Variants in SESTD1 observed in about 807,000 individuals in gnomAD.
SESTD1 encodes the protein SEC14 domain and spectrin repeat-containing protein 1.
A neutral mutation model predicts 101.7 loss-of-function variants in SESTD1; 43 were observed. The observed-to-expected ratio is 0.42, with a 90% confidence interval of 0.33 to 0.55. The LOEUF (loss-of-function observed/expected upper bound fraction) is 0.55. Ranked by LOEUF, SESTD1 falls within the 20% of genes least tolerant of loss-of-function variation. The pLI, the probability that SESTD1 is intolerant of heterozygous loss-of-function variation, is 0.07. For synonymous variants in SESTD1, 283 were observed against 286.8 expected (o/e 0.99, Z 0.13); for missense variants, 647 against 815.1 (o/e 0.79, Z 2.51).
At chr2:179,186,221 C>CT (rs1222993840) in intron 2 of SESTD1, among the ~76,000 whole-genome samples, 2 of 151,844 alleles carry the variant, frequency 1.3e-5, no homozygotes, top group African/African-American at 4.8e-5. Flanking sequence ...CCAAATAACT[C>CT]TGAGTTGGCA....
At chr2:179,251,376 C>T (rs2047315224) in intron 1 of SESTD1, among the ~76,000 whole-genome samples, 2 of 152,156 alleles carry the variant, frequency 1.3e-5, no homozygotes, top group Admixed American at 6.5e-5. Context: ...TATTTGAATG[C>T]TGTGTTCTAA....
intron 1 of SESTD1, among the ~76,000 whole-genome samples, chr2:179,201,183 C>T (rs1319672625): frequency 3.0e-5 from 4 of 134,494 alleles, no homozygotes; most frequent in East Asian, 4.0e-4. Context: ...TGCTCTCCAT[C>T]GCTGGCCATC....
chr2:179,165,188 G>A (rs1339598252), intron 5 of SESTD1, among the ~76,000 whole-genome samples: 5 of 152,062 alleles, frequency 3.3e-5, no homozygotes, highest in South Asian at 2.1e-4. Context: ...AGTGCCTAGC[G>A]CTTTCTTGAG....
chr2:179,181,648 G>GTTAT (rs2046113150), intron 3 of SESTD1, among the ~76,000 whole-genome samples: 1 of 151,996 alleles, frequency 6.6e-6, no homozygotes, highest in Admixed American at 6.6e-5. Context: ...TGAGATCTTG[G>GTTAT]GCAAGTAACC....
chr2:179,113,073 A>T (rs990937926), intron 16 of SESTD1, among the ~76,000 whole-genome samples: 1 of 152,254 alleles, frequency 6.6e-6, no homozygotes, highest in African/African-American at 2.4e-5. Flanking sequence ...AAATTCAAAC[A>T]AACAAAATGA....
chr2:179,123,939 G>T (rs1286775978), intron 11 of SESTD1, 110 bp from the exon 12 acceptor site: 2 of 749,168 alleles, frequency 2.7e-6, no homozygotes, highest in African/African-American at 3.5e-5. Context: ...CACTTGAAAA[G>T]ACTACACTGT....
rs756144168 is a variant in SESTD1 at position 179,149,327 on chromosome 2, C to A, written c.551G>T (p.Ser184Ile). The A allele has an allele frequency of 6.2e-7, 1 of 1,611,316 alleles. No homozygotes were observed. Among genetic ancestry groups the A allele is most frequent in the Admixed American group, 1.7e-5 (1 of 59,244 alleles). Residue 184 changes from serine (S) to isoleucine (I), a missense_variant, in exon 7 of 18, where the codon AGT becomes ATT. Ser to Ile is a moderately radical substitution (Grantham distance 142). Coordinates refer to ENST00000428443, the MANE Select transcript of SESTD1 (RefSeq NM_178123.5). ...LDELALINNG[S>I]DKGNQQEKER... ...TTTCTCTTGCTGATTTCCTTTATCA[C>A]TTCCATTGTTAATCAAAGCAAGTTC...
chr2:179,235,689 G>A (rs532356803), intron 1 of SESTD1, among the ~76,000 whole-genome samples: 1 of 152,124 alleles, frequency 6.6e-6, no homozygotes, highest in Admixed American at 6.5e-5. Context: ...CCACTCACCC[G>A]CCTTTACGCA....
intron 5 of SESTD1, among the ~76,000 whole-genome samples, chr2:179,165,918 A>T (rs571546972): frequency 6.6e-6 from 1 of 152,346 alleles, no homozygotes; most frequent in African/African-American, 2.4e-5. Context: ...GACCAAAAAA[A>T]ATGCAAGTTA....
chr2:179,117,597 C>T lies in SESTD1; in HGVS notation c.1459G>A (p.Asp487Asn). The T allele has an allele frequency of 1.9e-6, 3 of 1,576,454 alleles. No homozygotes were observed. The highest frequency in any genetic ancestry group is 2.6e-6 in the Non-Finnish European group (3 of 1,167,950). ...TGAAGCATCTTTAACCTTCGCACAT[C>T]TACCATGTCTTCACATCTAATGAAC... ...LRKQRCEDMVDVRRLKMLQMV... is the reference protein window; with the variant it reads ...LRKQRCEDMVNVRRLKMLQMV... The change falls in exon 14 of 18, where the codon GAT (aspartate) becomes AAT (asparagine). Residue 487 changes from aspartate to asparagine, a missense_variant. Asp to Asn is a conservative substitution (Grantham distance 23). This residue lies in a region of SESTD1 where 476 missense variants were observed against 562.6 expected (regional missense o/e 0.85). Transcript: ENST00000428443.
At chr2:179,188,643 C>CA (rs1442345343) in intron 2 of SESTD1, among the ~76,000 whole-genome samples, 1 of 150,924 alleles carries the variant, frequency 6.6e-6, no homozygotes, top group Non-Finnish European at 1.5e-5. Flanking sequence ...GATCCTGTCT[C>CA]AAAAAAAGGG....
At position 179,105,193 on chromosome 2, in the gene SESTD1, T is replaced by TC. The variant is rs2044354845; in HGVS notation, c.*4705_*4706insG. On this transcript the variant is annotated 3_prime_UTR_variant, in exon 18 of 18. Transcript: ENST00000428443. ...CTTTGTTCTGTTTTTTTTTTTTTTT[T>TC]AACCTCATTATTGGGATACTTAAAT... 6.9e-6 allele frequency: 1 copy of TC among 144,762 alleles called. No homozygotes were observed. The allele number at this position is 144,762 out of a possible 1,614,324, so 9.0% of individuals were successfully genotyped here.
At chr2:179,173,368 A>G (rs780080433) in intron 4 of SESTD1, among the ~76,000 whole-genome samples, 1 of 152,212 alleles carries the variant, frequency 6.6e-6, no homozygotes, top group African/African-American at 2.4e-5. Flanking sequence ...CTCTTCAAGT[A>G]GAATATAAAA....
chr2:179,251,985 C>A (rs566409651), intron 1 of SESTD1, among the ~76,000 whole-genome samples: 2 of 152,314 alleles, frequency 1.3e-5, no homozygotes, highest in South Asian at 2.1e-4. Flanking sequence ...TTATAAAATT[C>A]TCTGTCCTAT....
At position 179,149,376 on chromosome 2, in the gene SESTD1, T is replaced by G. The variant is rs1245352796; in HGVS notation, c.502A>C (p.Lys168Gln). The change falls in exon 7 of 18, where the codon AAG (lysine) becomes CAG (glutamine). Residue 168 changes from lysine (K) to glutamine (Q), a missense_variant. Transcript: ENST00000428443. ...TCATCTAATAATGATGTAGATTCCT[T>G]TGTAAACTTCTCAAAAACCTACAAT... ...NKRLVFEKFT[K>Q]ESTSLLDELA... 6.2e-7 allele frequency: 1 copy of G among 1,601,760 alleles called. No individual in the cohort carries two copies. The highest frequency in any genetic ancestry group is 2.2e-5 in the East Asian group (1 of 44,446).
chr2:179,132,199 G>A, intron 10 of SESTD1, 105 bp downstream of exon 10: 2 of 1,317,456 alleles, frequency 1.5e-6, no homozygotes, highest in Non-Finnish European at 2.0e-6. Context: ...TGTACTTCAT[G>A]CCCCATACCA....
chr2:179,161,355 A>T (rs1254514223), intron 5 of SESTD1, among the ~76,000 whole-genome samples: 1 of 152,234 alleles, frequency 6.6e-6, no homozygotes, highest in Non-Finnish European at 1.5e-5. Context: ...CAAATCATTT[A>T]TAAAGTTACC....
chr2:179,211,693 T>A (rs2046653220), intron 1 of SESTD1, among the ~76,000 whole-genome samples: 1 of 133,904 alleles, frequency 7.5e-6, no homozygotes, highest in Non-Finnish European at 1.6e-5. Context: ...ACGAATGAAA[T>A]AATGGCATTT....
chr2:179,246,462 AG>A (rs543809875), intron 1 of SESTD1, among the ~76,000 whole-genome samples: 260 of 152,310 alleles, frequency 1.7e-3, no homozygotes, highest in South Asian at 0.016. Context: ...TTATAACTGC[AG>A]ATATCTCTTC....
Sources: gnomAD v4.1 joint callset for allele counts (sites outside exome capture counted in the v4.1 genomes callset) on GRCh38, gnomAD v4.1.1 for gene constraint, gnomAD v4.1.1 regional missense constraint, MANE v1.5 for transcripts, NCBI Gene and HGNC (gene_info 2026-07-23, HGNC 2026-07-21) for gene names.